Variants in NKAIN2 observed in about 807,000 individuals in gnomAD.
The protein encoded by NKAIN2 is sodium/potassium-transporting ATPase subunit beta-1-interacting protein 2.
In NKAIN2, 14 loss-of-function variants were observed where a neutral mutation model predicts 32.6. The ratio of observed to expected loss-of-function variants is 0.43; its 90% CI spans 0.28 to 0.67. The LOEUF (loss-of-function observed/expected upper bound fraction) is 0.67, where lower values mean the gene tolerates loss of function less well. Among genes scored for constraint, NKAIN2 ranks in the 30% least tolerant of loss-of-function variants. The pLI is 0.17. For missense variants in NKAIN2, 198 were observed against 258.3 expected, an observed-to-expected ratio of 0.77 and a Z score of 1.60; for synonymous variants, 80 against 87.2, an observed-to-expected ratio of 0.92 and a Z score of 0.46.
chr6:124,502,805 A>G (rs1276763235), intron 3 of NKAIN2, among the ~76,000 whole-genome samples: 2 of 151,968 alleles, frequency 1.3e-5, no homozygotes, highest in African/African-American at 2.4e-5. Context: ...CTACTTATGG[A>G]CTTTATGTGC....
chr6:123,954,426 A>G (rs1262493107), intron 1 of NKAIN2, among the ~76,000 whole-genome samples: 6 of 152,162 alleles, frequency 3.9e-5, no homozygotes, highest in African/African-American at 1.4e-4. Context: ...TCCTTTCCCC[A>G]CATTGGGGAG....
At chr6:124,095,864 T>C (rs1582633534) in intron 1 of NKAIN2, among the ~76,000 whole-genome samples, 1 of 152,174 alleles carries the variant, frequency 6.6e-6, no homozygotes, top group Non-Finnish European at 1.5e-5. Flanking sequence ...GCTGGGCTAA[T>C]AGTTGAAGAA....
At chr6:124,349,090 GA>G (rs1798591114) in intron 2 of NKAIN2, among the ~76,000 whole-genome samples, 2 of 152,056 alleles carry the variant, frequency 1.3e-5, no homozygotes, top group Admixed American at 1.3e-4. Context: ...ATTGTTGTAG[GA>G]AAAAACCGGG....
chr6:124,197,541 C>T (rs1304141890), intron 1 of NKAIN2, among the ~76,000 whole-genome samples: 1 of 152,108 alleles, frequency 6.6e-6, no homozygotes, highest in Non-Finnish European at 1.5e-5. Context: ...TTTCTATACC[C>T]TAAGTAGAAG....
intron 1 of NKAIN2, among the ~76,000 whole-genome samples, chr6:123,847,429 A>T (rs569269892): frequency 6.6e-6 from 1 of 152,310 alleles, no homozygotes; most frequent in Non-Finnish European, 1.5e-5. Context: ...ACCAAGTGGC[A>T]TGTATCCCGG....
chr6:124,633,666 A>G (rs994101018), intron 3 of NKAIN2, among the ~76,000 whole-genome samples: 2 of 152,240 alleles, frequency 1.3e-5, no homozygotes, highest in African/African-American at 2.4e-5. Flanking sequence ...AACTGAACCA[A>G]GAGACATTTT....
intron 1 of NKAIN2, among the ~76,000 whole-genome samples, chr6:124,102,135 A>G (rs1015593142): frequency 6.6e-6 from 1 of 152,226 alleles, no homozygotes; most frequent in Non-Finnish European, 1.5e-5. Flanking sequence ...ACAGAATGTA[A>G]CAGTCTCTTA....
At chr6:124,102,308 T>C (rs1253024318) in intron 1 of NKAIN2, among the ~76,000 whole-genome samples, 2 of 152,186 alleles carry the variant, frequency 1.3e-5, no homozygotes, top group African/African-American at 4.8e-5. Context: ...GTGCTCACTA[T>C]TGGGTTTGCC....
At chr6:124,410,681 G>C (rs1003053207) in intron 3 of NKAIN2, among the ~76,000 whole-genome samples, 18 of 152,274 alleles carry the variant, frequency 1.2e-4, no homozygotes, top group African/African-American at 4.3e-4. Context: ...TATTGATTTG[G>C]GGTGGAGAGT....
chr6:124,085,334 T>TA (rs139138139), intron 1 of NKAIN2, among the ~76,000 whole-genome samples: 4,645 of 152,046 alleles, frequency 0.031, 221 homozygotes, highest in African/African-American at 0.1. Context: ...AATTTGGCAT[T>TA]AAAAAATACA....
chr6:124,646,104 T>A (rs1784157011), intron 3 of NKAIN2, among the ~76,000 whole-genome samples: 9 of 152,220 alleles, frequency 5.9e-5, no homozygotes, highest in Admixed American at 5.9e-4. Flanking sequence ...AGACAATAAT[T>A]GTTTTTAATA....
At chr6:124,679,603 G>C (rs1428236940) in intron 4 of NKAIN2, among the ~76,000 whole-genome samples, 2 of 152,142 alleles carry the variant, frequency 1.3e-5, no homozygotes, top group African/African-American at 2.4e-5. Context: ...ATTACTCACA[G>C]AAAGAATGGA....
chr6:124,269,269 A>C (rs1794636477), intron 1 of NKAIN2, among the ~76,000 whole-genome samples: 1 of 152,144 alleles, frequency 6.6e-6, no homozygotes, highest in Non-Finnish European at 1.5e-5. Flanking sequence ...TCAGAGCAGC[A>C]TCTCCGTATC....
rs143541129 is a variant in NKAIN2 at position 124,070,611 on chromosome 6, G to C, written c.55-212394G>C. Among the ~76,000 whole-genome samples, 172 of 152,224 alleles carry C rather than the reference G, an allele frequency of 1.1e-3. 2 individuals are homozygous for C. The highest frequency in any genetic ancestry group is 3.9e-3 in the African/African-American group (163 of 41,548). The stretch of plus-strand genomic sequence containing the variant: ...TTCTGGAGCCATATTCCTGGGGTTT[G>C]ATTTCCAGCTTTGTCCATTTCTCCA... On this transcript the variant is annotated intron_variant, in intron 1 of 6. Transcript: ENST00000368417.
chr6:124,609,083 C>T (rs745687931), intron 3 of NKAIN2, among the ~76,000 whole-genome samples: 3 of 152,060 alleles, frequency 2.0e-5, no homozygotes, highest in Admixed American at 6.6e-5. Context: ...AGGAATTGTT[C>T]AGGGAGGAGA....
intron 1 of NKAIN2, among the ~76,000 whole-genome samples, chr6:124,209,029 T>G (rs1791037871): frequency 6.6e-6 from 1 of 151,528 alleles, no homozygotes; most frequent in African/African-American, 2.4e-5. Context: ...TTAAATATAG[T>G]CACCTTATTT....
chr6:124,353,387 A>G (rs563796571), intron 2 of NKAIN2, among the ~76,000 whole-genome samples: 1 of 152,288 alleles, frequency 6.6e-6, no homozygotes, highest in Non-Finnish European at 1.5e-5. Context: ...GTGATATTTG[A>G]ATTAACCTTT....
chr6:123,846,278 T>G (rs1479641926), intron 1 of NKAIN2, among the ~76,000 whole-genome samples: 3 of 152,156 alleles, frequency 2.0e-5, no homozygotes, highest in South Asian at 2.1e-4. Context: ...CTTATTTAGT[T>G]AAGTCCTCAT....
chr6:124,306,378 A>G (rs1175448960), intron 2 of NKAIN2, among the ~76,000 whole-genome samples: 2 of 152,162 alleles, frequency 1.3e-5, no homozygotes, highest in African/African-American at 2.4e-5. Flanking sequence ...TATATCTGAT[A>G]TACATTAGAA....
Sources: gnomAD v4.1 joint callset for allele counts (sites outside exome capture counted in the v4.1 genomes callset) on GRCh38, gnomAD v4.1.1 for gene constraint, MANE v1.5 for transcripts, NCBI Gene and HGNC (gene_info 2026-07-23, HGNC 2026-07-21) for gene names.